The following MDGA2 variants were observed in gnomAD, a reference collection of about 807,000 sequenced individuals.
The protein encoded by MDGA2 is MAM domain-containing glycosylphosphatidylinositol anchor protein 2.
In MDGA2, 40 loss-of-function variants were observed where a neutral mutation model predicts 117.8. That is an observed-to-expected ratio of 0.34 (90% CI 0.26 to 0.44). The LOEUF (loss-of-function observed/expected upper bound fraction) is 0.44. Among genes scored for constraint, MDGA2 ranks in the 20% least tolerant of loss-of-function variants. The pLI is 1.00. For missense variants in MDGA2, 1,123 were observed against 1,250.6 expected, an observed-to-expected ratio of 0.90 and a Z score of 1.54; for synonymous variants, 452 against 439.0, an observed-to-expected ratio of 1.03 and a Z score of -0.37.
intron 1 of MDGA2, among the ~76,000 whole-genome samples, chr14:47,314,995 T>C (rs1449934044): frequency 3.3e-5 from 5 of 152,256 alleles, no homozygotes; most frequent in South Asian, 4.1e-4. Context: ...ATGTTAACAA[T>C]GATGATGCTT....
intron 6 of MDGA2, among the ~76,000 whole-genome samples, chr14:47,063,342 T>C (rs1195241967): frequency 1.3e-5 from 2 of 152,002 alleles, no homozygotes; most frequent in Admixed American, 6.6e-5. Context: ...CCCCTAACCA[T>C]ATCTTTATCA....
intron 1 of MDGA2, among the ~76,000 whole-genome samples, chr14:47,631,778 G>A (rs1340359350): frequency 6.6e-6 from 1 of 151,694 alleles, no homozygotes; most frequent in Non-Finnish European, 1.5e-5. Context: ...TTCTTGTCTT[G>A]CACACATTGA....
chr14:47,162,318 G>A (rs1242276503), intron 3 of MDGA2, among the ~76,000 whole-genome samples: 1 of 151,922 alleles, frequency 6.6e-6, no homozygotes, highest in Non-Finnish European at 1.5e-5. Context: ...ATCTTAGACT[G>A]TATAATATAA....
chr14:47,000,239 G>A (rs1887453980), intron 8 of MDGA2, among the ~76,000 whole-genome samples: 1 of 147,920 alleles, frequency 6.8e-6, no homozygotes, highest in African/African-American at 2.5e-5. Context: ...GAATTTAAAG[G>A]GTAGAAAGCC....
chr14:47,342,026 G>C (rs11157553), intron 1 of MDGA2, among the ~76,000 whole-genome samples: 50,609 of 151,406 alleles, frequency 0.33, 9,249 homozygotes, highest in Admixed American at 0.52. Context: ...TTTTAGTAGA[G>C]ACAGGTAGTA....
intron 1 of MDGA2, among the ~76,000 whole-genome samples, chr14:47,665,701 T>TCCCCCAGCACTGCTGGC (rs56352524): frequency 0.097 from 14,628 of 151,462 alleles, 927 homozygotes; most frequent in Middle Eastern, 0.23. Context: ...GTGTGCCAGG[T>TCCCCCAGCACTGCTGGC]CCCCCAGCAC....
rs557623193 is a variant in MDGA2 at position 47,262,775 on chromosome 14, T to C, written c.420+38636A>G. On this transcript the variant is annotated intron_variant, in intron 2 of 16. Transcript: ENST00000399232. Reference sequence around the variant, plus strand: ...ATCTTGGACTTCACTTTCATGGAGATGAAGAGCATAGATTTGAAAGCTTAA... The same window carrying C: ...ATCTTGGACTTCACTTTCATGGAGACGAAGAGCATAGATTTGAAAGCTTAA... 1.5e-4 allele frequency among the ~76,000 whole-genome samples: 23 copies of C among 152,332 alleles called. No homozygotes were observed. The East Asian group carries it at 4.4e-3, about 29-fold the overall frequency.
At chr14:47,092,771 A>C (rs749421211) in intron 6 of MDGA2, among the ~76,000 whole-genome samples, 36 of 152,246 alleles carry the variant, frequency 2.4e-4, no homozygotes, top group Non-Finnish European at 4.3e-4. Flanking sequence ...CTCACAGGGA[A>C]GGGACATGAC....
intron 1 of MDGA2, among the ~76,000 whole-genome samples, chr14:47,674,092 A>C (rs1594976205): frequency 1.9e-5 from 1 of 51,314 alleles, no homozygotes; most frequent in African/African-American, 7.5e-5. Context: ...GGAGAGGAGG[A>C]GGCGGCGGGG....
At chr14:47,053,845 G>A (rs28539468) in intron 7 of MDGA2, among the ~76,000 whole-genome samples, 57 of 151,814 alleles carry the variant, frequency 3.8e-4, no homozygotes, top group Non-Finnish European at 6.8e-4. Context: ...CTGCAGTTCA[G>A]TAGCACTTGC....
At chr14:47,197,081 G>A (rs1257921701) in intron 3 of MDGA2, among the ~76,000 whole-genome samples, 1 of 152,160 alleles carries the variant, frequency 6.6e-6, no homozygotes, top group African/African-American at 2.4e-5. Context: ...TGGGTATCTA[G>A]GTTGATTCCC....
At chr14:47,014,912 C>T (rs757923126) in intron 8 of MDGA2, among the ~76,000 whole-genome samples, 14 of 152,170 alleles carry the variant, frequency 9.2e-5, no homozygotes, top group Non-Finnish European at 1.6e-4. Flanking sequence ...CTTTCACCCT[C>T]TCAGCTTTTG....
At chr14:47,199,186 C>T (rs1244417535) in intron 3 of MDGA2, among the ~76,000 whole-genome samples, 2 of 151,450 alleles carry the variant, frequency 1.3e-5, no homozygotes, top group Admixed American at 6.6e-5. Flanking sequence ...CTCCTCTGTC[C>T]CTCTCCCTCT....
chr14:47,645,768 C>A (rs993959407), intron 1 of MDGA2, among the ~76,000 whole-genome samples: 1 of 151,646 alleles, frequency 6.6e-6, no homozygotes, highest in Admixed American at 6.6e-5. Context: ...CAATAACACC[C>A]AATATTAAAG....
intron 1 of MDGA2, among the ~76,000 whole-genome samples, chr14:47,412,702 T>C (rs1892398167): frequency 1.3e-5 from 2 of 152,214 alleles, no homozygotes; most frequent in Non-Finnish European, 2.9e-5. Flanking sequence ...GAGGCTGGAA[T>C]GAAAGAAATG....
At chr14:47,034,438 A>G (rs531355012) in intron 8 of MDGA2, among the ~76,000 whole-genome samples, 90 of 152,302 alleles carry the variant, frequency 5.9e-4, no homozygotes, top group African/African-American at 2.0e-3. Flanking sequence ...AGCACCTAAG[A>G]CTTTCCTGAA....
At chr14:47,590,090 G>A (rs1168688380) in intron 1 of MDGA2, among the ~76,000 whole-genome samples, 2 of 151,720 alleles carry the variant, frequency 1.3e-5, no homozygotes, top group Non-Finnish European at 2.9e-5. Flanking sequence ...GTGCGTGTGT[G>A]TATTCCTTAC....
intron 9 of MDGA2, among the ~76,000 whole-genome samples, chr14:46,929,618 T>C (rs1297589763): frequency 4.1e-5 from 1 of 24,344 alleles, no homozygotes; most frequent in East Asian, 8.3e-4. Flanking sequence ...TATATATATA[T>C]ATATATATAT....
intron 1 of MDGA2, among the ~76,000 whole-genome samples, chr14:47,534,896 G>A (rs1015757338): frequency 1.3e-5 from 2 of 152,182 alleles, no homozygotes; most frequent in Admixed American, 1.3e-4. Flanking sequence ...GCACCTAAAT[G>A]TCTCACAGAT....
Sources: gnomAD v4.1 joint callset for allele counts (sites outside exome capture counted in the v4.1 genomes callset) on GRCh38, gnomAD v4.1.1 for gene constraint, MANE v1.5 for transcripts, NCBI Gene and HGNC (gene_info 2026-07-23, HGNC 2026-07-21) for gene names.